Variants in CCDC192 observed in about 807,000 individuals in gnomAD.
The protein encoded by CCDC192 is coiled-coil domain-containing protein 192.
chr5:127,729,532 T>C (rs573504477), intron 2 of CCDC192, among the ~76,000 whole-genome samples: 35 of 152,336 alleles, frequency 2.3e-4, no homozygotes, highest in African/African-American at 7.9e-4. Context: ...GATATGTATC[T>C]GCAGAACTCT....
chr5:127,789,020 T>C (rs1310748884), intron 3 of CCDC192, among the ~76,000 whole-genome samples: 1 of 152,142 alleles, frequency 6.6e-6, no homozygotes, highest in Admixed American at 6.5e-5. Context: ...GTCTGTAAAA[T>C]AGAAAGAGGG....
Position 127,753,689 on chromosome 5 carries a change from A to G in CCDC192, c.115-579A>G, listed in dbSNP as rs896983683. 2.3e-3 allele frequency among the ~76,000 whole-genome samples: 145 copies of G among 63,538 alleles called. 1 individual carries two copies. The highest frequency in any genetic ancestry group is 5.8e-3 in the African/African-American group (135 of 23,308). 41.7% of individuals were successfully genotyped at this position (63,538 alleles called of 152,430 possible). A position where few individuals can be genotyped will look rare whatever the true frequency, so the allele number is the denominator to read the frequency against. ...GCAACAAGAGCAAAACTCTGCCTGG[A>G]AAAAAAAAAAAAAAAAAGAGAAAAA... On this transcript the variant is annotated intron_variant, in intron 2 of 6. Transcript: ENST00000514853.
intron 6 of CCDC192, among the ~76,000 whole-genome samples, chr5:127,932,200 A>G (rs73333527): frequency 0.1 from 15,045 of 151,020 alleles, 1,560 homozygotes; most frequent in East Asian, 0.29. Flanking sequence ...ATGCAATGAC[A>G]ACAGTTTGTT....
chr5:127,790,857 A>C (rs1215782601), intron 3 of CCDC192, among the ~76,000 whole-genome samples: 1 of 152,218 alleles, frequency 6.6e-6, no homozygotes, highest in Non-Finnish European at 1.5e-5. Flanking sequence ...ATTGCTTTTT[A>C]AATGTTTATT....
At chr5:127,752,247 T>C (rs1754230322) in intron 2 of CCDC192, among the ~76,000 whole-genome samples, 1 of 152,220 alleles carries the variant, frequency 6.6e-6, no homozygotes, top group Non-Finnish European at 1.5e-5. Context: ...TGTGGTTTTA[T>C]CTACTTTTGG....
At chr5:127,919,073 ATGTGTGTGTGTG>A (rs70997353) in intron 6 of CCDC192, among the ~76,000 whole-genome samples, 3 of 137,422 alleles carry the variant, frequency 2.2e-5, no homozygotes, top group Non-Finnish European at 4.6e-5. Context: ...GTGTGTATAT[ATGTGTGTGTGTG>A]TGTGTGTGTG....
chr5:127,856,147 G>T (rs1395684302), intron 5 of CCDC192, among the ~76,000 whole-genome samples: 1 of 152,188 alleles, frequency 6.6e-6, no homozygotes, highest in African/African-American at 2.4e-5. Flanking sequence ...CTGTTGTTTA[G>T]TGTAGCCACT....
intron 6 of CCDC192, among the ~76,000 whole-genome samples, chr5:127,889,731 C>T (rs1023251407): frequency 6.6e-6 from 1 of 152,210 alleles, no homozygotes; most frequent in African/African-American, 2.4e-5. Context: ...TGATTGGCCT[C>T]CCTACCCCAG....
chr5:127,927,340 A>G (rs1194698960), intron 6 of CCDC192, among the ~76,000 whole-genome samples: 1 of 152,066 alleles, frequency 6.6e-6, no homozygotes, highest in African/African-American at 2.4e-5. Context: ...TATAAATTAA[A>G]CTTTTTCATA....
intron 5 of CCDC192, among the ~76,000 whole-genome samples, chr5:127,870,113 T>C (rs1751785389): frequency 6.6e-6 from 1 of 152,234 alleles, no homozygotes; most frequent in African/African-American, 2.4e-5. Context: ...TAAGAAAGGT[T>C]CTTCTGATCC....
chr5:127,884,033 T>C (rs1204363838), intron 6 of CCDC192, among the ~76,000 whole-genome samples: 2 of 151,986 alleles, frequency 1.3e-5, no homozygotes, highest in African/African-American at 2.4e-5. Context: ...TAGTGAACAT[T>C]TGTTGTTTCT....
At chr5:127,703,745 GT>G (rs1218825898) in intron 1 of CCDC192, among the ~76,000 whole-genome samples, 1 of 152,072 alleles carries the variant, frequency 6.6e-6, no homozygotes, top group Non-Finnish European at 1.5e-5. Context: ...CAAATAAATT[GT>G]CCCTTACTTG....
Position 127,830,456 on chromosome 5 carries a change from T to C in CCDC192, c.411+32294T>C, listed in dbSNP as rs78459480. Among the ~76,000 whole-genome samples, 366 of 152,312 alleles carry C rather than the reference T, an allele frequency of 2.4e-3. 7 individuals carry two copies. The East Asian group carries it at 0.045, about 19-fold the overall frequency. ...CTTCCAGGAGCTTTGGCCTCTCTCCTTGGCTTGCAGGCTTCTTGCTGCGTC... is the reference window on the plus strand; with the variant it reads ...CTTCCAGGAGCTTTGGCCTCTCTCCCTGGCTTGCAGGCTTCTTGCTGCGTC... On this transcript the variant is annotated intron_variant, in intron 5 of 6. Coordinates refer to ENST00000514853, the MANE Select transcript of CCDC192 (RefSeq NM_001317938.2).
intron 3 of CCDC192, among the ~76,000 whole-genome samples, chr5:127,778,702 C>T (rs1756013038): frequency 6.6e-6 from 1 of 152,054 alleles, no homozygotes; most frequent in Non-Finnish European, 1.5e-5. Flanking sequence ...GTGTAATATA[C>T]CAGTGAAACC....
chr5:127,879,261 A>G (rs1252498596), intron 6 of CCDC192, among the ~76,000 whole-genome samples: 5 of 151,316 alleles, frequency 3.3e-5, no homozygotes, highest in Non-Finnish European at 7.4e-5. Flanking sequence ...GGAACAGAAC[A>G]GAGCCCTCAG....
At chr5:127,890,399 G>A (rs1039810195) in intron 6 of CCDC192, among the ~76,000 whole-genome samples, 1 of 149,434 alleles carries the variant, frequency 6.7e-6, no homozygotes, top group Non-Finnish European at 1.5e-5. Context: ...GGTGTTTTGA[G>A]ATGCCACTAC....
At chr5:127,859,499 G>C (rs538522036) in intron 5 of CCDC192, among the ~76,000 whole-genome samples, 43 of 152,118 alleles carry the variant, frequency 2.8e-4, no homozygotes, top group African/African-American at 9.9e-4. Context: ...CCTCAGCTCT[G>C]GTGAATCAAT....
At chr5:127,938,124 C>G (rs907673407) in intron 6 of CCDC192, among the ~76,000 whole-genome samples, 1 of 152,198 alleles carries the variant, frequency 6.6e-6, no homozygotes, top group African/African-American at 2.4e-5. Flanking sequence ...TCACTTCGAC[C>G]CACCTGAATC....
intron 3 of CCDC192, among the ~76,000 whole-genome samples, chr5:127,767,366 CTACAGGT>C (rs1341869744): frequency 1.3e-5 from 2 of 152,140 alleles, no homozygotes; most frequent in African/African-American, 4.8e-5. Context: ...GGTTGTGTAA[CTACAGGT>C]GAGGACTTAA....
Sources: gnomAD v4.1 joint callset for allele counts (sites outside exome capture counted in the v4.1 genomes callset) on GRCh38, gnomAD v4.1.1 for gene constraint, MANE v1.5 for transcripts, NCBI Gene and HGNC (gene_info 2026-07-23, HGNC 2026-07-21) for gene names.